WDR7: variants seen among roughly 807,000 people sequenced by gnomAD.
The protein encoded by WDR7 is WD repeat domain 7, also known as WD repeat-containing protein 7.
A neutral mutation model predicts 169.4 loss-of-function variants in WDR7; 46 were observed. The observed-to-expected ratio is 0.27, with a 90% CI of 0.21 to 0.35. The LOEUF is 0.35. WDR7 is among the 10% of genes least tolerant of loss of function. The probability of loss-of-function intolerance (pLI) is 1.00; values close to 1 mark genes in which losing one functional copy is unlikely to be tolerated. For synonymous variants in WDR7, 612 were observed against 666.8 expected (o/e 0.92, Z 1.27); for missense variants, 1,534 against 1,859.3 (o/e 0.83, Z 3.22).
intron 14 of WDR7, among the ~76,000 whole-genome samples, chr18:56,736,368 A>T (rs1218952161): frequency 1.3e-5 from 2 of 152,116 alleles, no homozygotes; most frequent in Non-Finnish European, 2.9e-5. Flanking sequence ...CTTGGTATAG[A>T]ATTACAAGAT....
intron 14 of WDR7, among the ~76,000 whole-genome samples, chr18:56,737,015 A>C (rs2026714618): frequency 6.6e-6 from 1 of 152,198 alleles, no homozygotes; most frequent in Non-Finnish European, 1.5e-5. Context: ...AGTCATTTTC[A>C]GTGGAAGAGA....
At chr18:56,887,797 C>G (rs115279486) in intron 21 of WDR7, among the ~76,000 whole-genome samples, 1 of 151,972 alleles carries the variant, frequency 6.6e-6, no homozygotes, top group Non-Finnish European at 1.5e-5. Context: ...AAATCTTGCT[C>G]TCCTGTTTGA....
intron 25 of WDR7, among the ~76,000 whole-genome samples, chr18:56,939,691 A>G (rs891541271): frequency 6.6e-6 from 1 of 152,160 alleles, no homozygotes; most frequent in Non-Finnish European, 1.5e-5. Context: ...TATTATTTAC[A>G]TTATACAATT....
intron 19 of WDR7, among the ~76,000 whole-genome samples, chr18:56,795,997 C>T (rs773861469): frequency 2.0e-5 from 3 of 152,236 alleles, no homozygotes; most frequent in South Asian, 2.1e-4. Flanking sequence ...TTAGATAACA[C>T]GATGACATTA....
chr18:56,974,810 A>G (rs967439387), intron 26 of WDR7, among the ~76,000 whole-genome samples: 11 of 152,188 alleles, frequency 7.2e-5, no homozygotes, highest in African/African-American at 2.7e-4. Context: ...GGTATTTACA[A>G]TCTGGCAGGA....
At chr18:56,720,142 T>C (rs1432509536) in intron 13 of WDR7, among the ~76,000 whole-genome samples, 2 of 152,162 alleles carry the variant, frequency 1.3e-5, no homozygotes, top group Non-Finnish European at 2.9e-5. Context: ...CAAGACACTG[T>C]ATTAAAATAC....
At chr18:57,007,528 T>C (rs1018609224) in intron 26 of WDR7, among the ~76,000 whole-genome samples, 1 of 152,162 alleles carries the variant, frequency 6.6e-6, no homozygotes, top group African/African-American at 2.4e-5. Context: ...TTTTAATAAT[T>C]GATTTTCTGA....
At chr18:56,766,551 A>T (rs1301466273) in intron 16 of WDR7, among the ~76,000 whole-genome samples, 1 of 152,000 alleles carries the variant, frequency 6.6e-6, no homozygotes, top group Non-Finnish European at 1.5e-5. Context: ...CACTTTAAAA[A>T]TTTATTTTTA....
At chr18:56,993,390 A>G (rs1213604733) in intron 26 of WDR7, among the ~76,000 whole-genome samples, 1 of 152,188 alleles carries the variant, frequency 6.6e-6, no homozygotes. Context: ...TTCTTTTGGA[A>G]TGATGCCATC....
intron 25 of WDR7, among the ~76,000 whole-genome samples, chr18:56,939,955 G>A (rs1163061430): frequency 6.6e-6 from 1 of 150,892 alleles, no homozygotes; most frequent in African/African-American, 2.4e-5. Context: ...TAATTATATA[G>A]CATATAATTA....
chr18:56,906,765 C>T (rs1411239576), intron 21 of WDR7, among the ~76,000 whole-genome samples: 3 of 152,184 alleles, frequency 2.0e-5, no homozygotes, highest in African/African-American at 7.2e-5. Context: ...TGGTCTTGAA[C>T]TCCTGACCTC....
At chr18:56,951,382 ACCTCTTCCTCACAC>A (rs1273740302) in intron 25 of WDR7, among the ~76,000 whole-genome samples, 11 of 152,108 alleles carry the variant, frequency 7.2e-5, no homozygotes, top group African/African-American at 2.7e-4. Context: ...ACACTCCCGT[ACCTCTTCCTCACAC>A]CCTCTTCCTC....
At chr18:56,942,829 G>C (rs568448016) in intron 25 of WDR7, among the ~76,000 whole-genome samples, 4 of 152,272 alleles carry the variant, frequency 2.6e-5, no homozygotes, top group African/African-American at 9.6e-5. Context: ...CCAGAACATA[G>C]TTGATAACAC....
chr18:57,007,239 A>G (rs570658339), intron 26 of WDR7, among the ~76,000 whole-genome samples: 1 of 152,178 alleles, frequency 6.6e-6, no homozygotes, highest in African/African-American at 2.4e-5. Context: ...TTGGCCTCCC[A>G]AAGTGCTGGG....
chr18:56,847,397 T>C (rs115751565), intron 20 of WDR7, among the ~76,000 whole-genome samples: 127 of 152,312 alleles, frequency 8.3e-4, no homozygotes, highest in African/African-American at 3.0e-3. Flanking sequence ...TTGGAACTTA[T>C]TTAAAAGGAA....
At chr18:56,676,260 T>C (rs1311671744) in intron 2 of WDR7, among the ~76,000 whole-genome samples, 4 of 152,198 alleles carry the variant, frequency 2.6e-5, no homozygotes, top group African/African-American at 4.8e-5. Flanking sequence ...TATGTGTGTT[T>C]TTATAGGTGA....
chr18:56,874,149 T>A (rs1001520533), intron 20 of WDR7, among the ~76,000 whole-genome samples: 2 of 152,238 alleles, frequency 1.3e-5, no homozygotes, highest in African/African-American at 2.4e-5. Flanking sequence ...TCCTTGTGCC[T>A]GTTCTTATAC....
intron 21 of WDR7, among the ~76,000 whole-genome samples, chr18:56,908,430 G>A (rs1048896769): frequency 6.6e-6 from 1 of 152,088 alleles, no homozygotes. Flanking sequence ...TAGTTGCTGG[G>A]ATCATCTGGA....
At chr18:56,782,242 T>G (rs2044327963) in intron 19 of WDR7, 5 of 152,242 alleles carry the variant, frequency 3.3e-5, no homozygotes, top group Admixed American at 2.6e-4. Flanking sequence ...CTACATTGAA[T>G]GTGCATTGGA....
Sources: allele counts gnomAD v4.1 joint callset (sites outside exome capture counted in the v4.1 genomes callset), GRCh38; gene constraint gnomAD v4.1.1; transcripts MANE v1.5; gene names NCBI Gene and HGNC (gene_info 2026-07-23, HGNC 2026-07-21).